Variants in POLH observed in about 807,000 individuals in gnomAD.
POLH encodes DNA polymerase eta transcript.
Under a neutral mutation model 73.6 loss-of-function variants are expected in POLH, and 53 were observed. That is an observed-to-expected ratio of 0.72 (90% CI 0.58 to 0.91). The LOEUF is 0.91. POLH is among the 40% of genes least tolerant of loss of function. The pLI, the probability that POLH is intolerant of heterozygous loss-of-function variation, is 0.00. For missense variants in POLH, 768 were observed against 865.4 expected (o/e 0.89, Z 1.41); for synonymous variants, 292 against 308.5 (o/e 0.95, Z 0.56).
intron 2 of POLH, 124 bp downstream of exon 2, chr6:43,582,580 C>A: frequency 1.1e-6 from 1 of 945,872 alleles, no homozygotes; most frequent in Non-Finnish European, 1.7e-6. Flanking sequence ...CCATCCAGAG[C>A]GCAGTGGCAC....
rs777983627 is a variant in POLH, at chr6:43,582,309, G to A, written c.-4-7G>A. On this transcript the variant is annotated splice_region_variant and splice_polypyrimidine_tract_variant and intron_variant, in intron 1 of 10. Coordinates refer to ENST00000372236, the MANE Select transcript of POLH (RefSeq NM_006502.3). ...TTTCTAACTGTCCATAAAATGTTGT[G>A]TTACAGAAAAATGGCTACTGGACAG... 1.2e-6 allele frequency: 2 copies of A among 1,613,810 alleles called. No homozygotes were observed. Among genetic ancestry groups the A allele is most frequent in the African/African-American group, 1.3e-5 (1 of 75,028 alleles).
chr6:43,608,420 A>G (rs1165874662), intron 9 of POLH, among the ~76,000 whole-genome samples: 1 of 152,340 alleles, frequency 6.6e-6, no homozygotes, highest in South Asian at 2.1e-4. Context: ...GGTAGGCATC[A>G]TAAAGAGGGA....
In POLH at chr6:43,620,187, G is replaced by A. The variant is rs116106873; in HGVS notation, c.*5630G>A. On this transcript the variant is annotated 3_prime_UTR_variant, in exon 11 of 11. Coordinates refer to ENST00000372236, the MANE Select transcript of POLH (RefSeq NM_006502.3). ...TATCTCTGCCAGGGCACAGAAGTGG[G>A]CTCCTTACTATTCTGACCACTAGCA... 1,307 of 491,684 alleles carry A rather than the reference G, an allele frequency of 2.7e-3. 11 individuals are homozygous for A. Among genetic ancestry groups the A allele is most frequent in the African/African-American group, 0.022 (1,114 of 50,036 alleles). 30.5% of individuals were successfully genotyped at this position (491,684 alleles called of 1,614,324 possible). A position where few individuals can be genotyped will look rare whatever the true frequency, so the allele number is the denominator to read the frequency against.
intron 5 of POLH, among the ~76,000 whole-genome samples, chr6:43,598,700 A>G (rs908868171): frequency 1.3e-5 from 2 of 152,036 alleles, no homozygotes; most frequent in South Asian, 2.1e-4. Flanking sequence ...TAGCATTTAC[A>G]TTGTACGTTA....
intron 8 of POLH, 128 bp downstream of exon 8, chr6:43,604,866 C>T: frequency 1.0e-6 from 1 of 976,900 alleles, no homozygotes; most frequent in Non-Finnish European, 1.6e-6. Flanking sequence ...GATGTTCTGT[C>T]CTTGGGTTGA....
At chr6:43,579,489 G>A (rs1763769748) in intron 1 of POLH, among the ~76,000 whole-genome samples, 1 of 152,208 alleles carries the variant, frequency 6.6e-6, no homozygotes, top group South Asian at 2.1e-4. Flanking sequence ...TTCCTGGAGA[G>A]TGGTGTTCCC....
In POLH at chr6:43,582,600, A is replaced by AC. The variant is rs200488073; in HGVS notation, c.137+145dup. ...CAGAGCGCAGTGGCACCATCAGCTCACAGCAGCTTTGACCTGGGCTCAAGT... is the reference window on the plus strand; with the variant it reads ...CAGAGCGCAGTGGCACCATCAGCTCACCAGCAGCTTTGACCTGGGCTCAAGT... On this transcript the variant is annotated intron_variant, in intron 2 of 10. Transcript: ENST00000372236. The AC allele has an allele frequency of 3.5e-3, 2,983 of 849,590 alleles. 63 individuals carry two copies. In the African/African-American group the frequency reaches 0.044, roughly 13 times the overall value. The allele number at this position is 849,590 out of a possible 1,614,324, so 52.6% of individuals were successfully genotyped here.
chr6:43,606,665 G>A (rs191127068), intron 9 of POLH, among the ~76,000 whole-genome samples: 1 of 152,162 alleles, frequency 6.6e-6, no homozygotes, highest in Non-Finnish European at 1.5e-5. Flanking sequence ...CTGACCTCAG[G>A]CGATCTGCCC....
At chr6:43,612,391 G>C (rs933287158) in intron 10 of POLH, among the ~76,000 whole-genome samples, 2 of 148,510 alleles carry the variant, frequency 1.3e-5, no homozygotes, top group Non-Finnish European at 3.0e-5. Context: ...TTGTTGTCTA[G>C]GCTGGAGTGC....
At chr6:43,594,407 T>C (rs1765822452) in intron 4 of POLH, among the ~76,000 whole-genome samples, 1 of 152,136 alleles carries the variant, frequency 6.6e-6, no homozygotes, top group Admixed American at 6.6e-5. Context: ...CAAGCCACTG[T>C]GCTGAGGAAC....
chr6:43,605,121 G>A, intron 8 of POLH, 133 bp from the exon 9 acceptor site: 1 of 700,732 alleles, frequency 1.4e-6, no homozygotes. Context: ...CTATGATCTG[G>A]TGATCCTTTG....
At chr6:43,593,514 T>G (rs1217275934) in intron 4 of POLH, among the ~76,000 whole-genome samples, 1 of 152,176 alleles carries the variant, frequency 6.6e-6, no homozygotes, top group African/African-American at 2.4e-5. Context: ...AGTATACAAG[T>G]AGATCCCCAC....
intron 4 of POLH, among the ~76,000 whole-genome samples, chr6:43,596,297 C>CA (rs1766044224): frequency 6.6e-6 from 1 of 152,274 alleles, no homozygotes; most frequent in South Asian, 2.1e-4. Flanking sequence ...TTCTGGCTGA[C>CA]ACGGTGAAAC....
At position 43,614,079 on chromosome 6, in the gene POLH, A is replaced by AC; in HGVS notation, c.1667dup (p.Trp557MetfsTer5). The AC allele has an allele frequency of 5.6e-6, 9 of 1,613,988 alleles. No homozygotes were observed. The highest frequency in any genetic ancestry group is 6.8e-6 in the Non-Finnish European group (8 of 1,179,988). On this transcript the variant is annotated frameshift_variant, in exon 11 of 11. Coordinates refer to ENST00000372236, the MANE Select transcript of POLH (RefSeq NM_006502.3). LOFTEE classifies it high-confidence loss of function. ...TCTTCAGTTTCTTCCCCCCAACAAAACCCATGGTCCAACTGTAAAGCATTA... is the reference window on the plus strand; with the variant it reads ...TCTTCAGTTTCTTCCCCCCAACAAAACCCCATGGTCCAACTGTAAAGCATTA...
chr6:43,581,977 T>C (rs1324078025), intron 1 of POLH, among the ~76,000 whole-genome samples: 1 of 152,170 alleles, frequency 6.6e-6, no homozygotes, highest in Non-Finnish European at 1.5e-5. Flanking sequence ...ATTTGAAATC[T>C]TCCAAAATCC....
At chr6:43,609,594 T>C (rs907701530) in intron 9 of POLH, among the ~76,000 whole-genome samples, 13 of 152,214 alleles carry the variant, frequency 8.5e-5, no homozygotes, top group African/African-American at 2.9e-4. Flanking sequence ...TGAGTCATGA[T>C]CTTGCTCTCT....
Position 43,614,444 on chromosome 6 carries a change from G to A in POLH, c.2029G>A (p.Val677Ile), listed in dbSNP as rs781567279. Residue 677 changes from valine (V) to isoleucine (I), a missense_variant, in exon 11 of 11, where the codon GTA (valine) becomes ATA (isoleucine). Transcript: ENST00000372236. ...HSSNPQVVSA[V>I]SHQGKRNPKS... ...TTCAAACCCCCAGGTTGTTTCTGCC[G>A]TATCTCATCAAGGCAAAAGAAATCC... 28 of 1,613,978 alleles carry A rather than the reference G, an allele frequency of 1.7e-5. No individual in the cohort carries two copies. The highest frequency in any genetic ancestry group is 2.7e-5 in the African/African-American group (2 of 74,884).
At chr6:43,577,040 G>A (rs1377651910) in intron 1 of POLH, among the ~76,000 whole-genome samples, 2 of 152,100 alleles carry the variant, frequency 1.3e-5, no homozygotes, top group Admixed American at 6.5e-5. Flanking sequence ...TTATACAGGC[G>A]TGGCGGTGCG....
chr6:43,610,713 C>T lies in POLH; in HGVS notation c.1234C>T (p.Gln412Ter). 6.2e-7 allele frequency: 1 copy of T among 1,611,608 alleles called. No individual in the cohort carries two copies. The highest frequency in any genetic ancestry group is 8.5e-7 in the Non-Finnish European group (1 of 1,178,934). ...CAAGAACTGTAATACTTCTGGAATC[C>T]AGACAGAATGGTGAGTTCTTTTCTA... is the stretch of plus-strand genomic sequence containing the variant. ...VIKNCNTSGI[Q>*]TEWSPPLTML... Residue 412 changes from glutamine (Q) to a stop codon, truncating the protein, a stop_gained, in exon 10 of 11, where the codon CAG (glutamine) becomes TAG (stop). Transcript: ENST00000372236. LOFTEE classifies it high-confidence loss of function.
Sources: gnomAD v4.1 joint callset for allele counts (sites outside exome capture counted in the v4.1 genomes callset) on GRCh38, gnomAD v4.1.1 for gene constraint, MANE v1.5 for transcripts, NCBI Gene and HGNC (gene_info 2026-07-23, HGNC 2026-07-21) for gene names.